Variants in CFH observed in about 807,000 individuals in gnomAD.
CFH encodes H factor 1 (complement).
Under a neutral mutation model 147.3 loss-of-function variants are expected in CFH, and 53 were observed. That is an observed-to-expected ratio of 0.36 (90% CI 0.29 to 0.45). The LOEUF is 0.45. Among genes scored for constraint, CFH ranks in the 20% least tolerant of loss-of-function variants. The pLI is 1.00. For synonymous variants in CFH, 536 were observed against 489.4 expected (o/e 1.10, Z -1.26); for missense variants, 1,380 against 1,498.0 (o/e 0.92, Z 1.30).
chr1:196,668,524 C>T (rs1435211522), intron 1 of CFH, among the ~76,000 whole-genome samples: 1 of 152,096 alleles, frequency 6.6e-6, no homozygotes, highest in Non-Finnish European at 1.5e-5. Context: ...TTATAATCTC[C>T]ATAATCATCA....
chr1:196,745,845 A>C lies in CFH; in HGVS notation c.3339A>C (p.Pro1113=). Residue 1113 remains proline (P), a synonymous_variant, in exon 21 of 22, where the codon CCA becomes CCC. Coordinates refer to ENST00000367429, the MANE Select transcript of CFH (RefSeq NM_000186.4). ...CTACAGGAAAATGTGGGCCCCCTCC[A>C]CCTATTGACAATGGGGACATTACTT... The part of the protein sequence containing the change: ...KDSTGKCGPP[P]PIDNGDITSF... The C allele has an allele frequency of 1.2e-6, 2 of 1,614,090 alleles. No homozygotes were observed. The highest frequency in any genetic ancestry group is 1.1e-5 in the South Asian group (1 of 91,078).
rs62641697 is a variant in CFH, at chr1:196,743,525, T to C, written c.3207T>C (p.Ser1069=). The C allele has an allele frequency of 6.7e-4, 1,082 of 1,614,012 alleles. 2 individuals carry two copies. Among genetic ancestry groups the C allele is most frequent in the African/African-American group, 6.1e-3 (455 of 75,044 alleles). Residue 1069 remains serine (S), a synonymous_variant, in exon 20 of 22, where the codon TCT becomes TCC. Transcript: ENST00000367429. The part of the protein sequence containing the change: ...IVSRQMSKYP[S]GERVRYQCRS... ...CGAGACAGATGAGTAAATATCCATC[T>C]GGTGAGAGAGTACGTTATCAATGTA...
chr1:196,677,735 C>G, intron 5 of CFH, 68 bp downstream of exon 5: 1 of 1,405,542 alleles, frequency 7.1e-7, no homozygotes, highest in Middle Eastern at 1.8e-4. Flanking sequence ...AAACATCGTT[C>G]ATTCTAAGGA....
intron 15 of CFH, among the ~76,000 whole-genome samples, chr1:196,735,534 G>A (rs925727530): frequency 3.3e-5 from 5 of 151,720 alleles, no homozygotes; most frequent in African/African-American, 1.2e-4. Context: ...AATGATTGTG[G>A]TACACATTAA....
chr1:196,744,981 A>C (rs758876764), intron 20 of CFH, among the ~76,000 whole-genome samples: 2 of 152,198 alleles, frequency 1.3e-5, no homozygotes, highest in Non-Finnish European at 2.9e-5. Flanking sequence ...TGGAGTTGAC[A>C]GTTCTTTGAA....
chr1:196,733,741 A>G (rs1442264840), intron 15 of CFH, among the ~76,000 whole-genome samples: 3 of 152,090 alleles, frequency 2.0e-5, no homozygotes, highest in African/African-American at 7.2e-5. Flanking sequence ...TTGTGTGGAC[A>G]AACTTGTTCT....
At chr1:196,720,215 T>C (rs1257690589) in intron 11 of CFH, among the ~76,000 whole-genome samples, 1 of 152,004 alleles carries the variant, frequency 6.6e-6, no homozygotes, top group Non-Finnish European at 1.5e-5. Context: ...CCCAGTTCTA[T>C]TATAAATTTA....
At chr1:196,732,704 C>A (rs530420029) in intron 15 of CFH, among the ~76,000 whole-genome samples, 2 of 152,026 alleles carry the variant, frequency 1.3e-5, no homozygotes, top group South Asian at 4.2e-4. Flanking sequence ...TTTGTGGCCC[C>A]CTGGAGGTTA....
intron 1 of CFH, among the ~76,000 whole-genome samples, chr1:196,670,012 A>T: frequency 6.6e-6 from 1 of 152,204 alleles, no homozygotes; most frequent in East Asian, 1.9e-4. Context: ...GAGACATGGA[A>T]TCAAAGGGGA....
At chr1:196,656,686 G>GTTTT (rs563378238) in intron 1 of CFH, among the ~76,000 whole-genome samples, 3,178 of 132,426 alleles carry the variant, frequency 0.024, 186 homozygotes, top group African/African-American at 0.084. Flanking sequence ...TGTGTGTTGC[G>GTTTT]TTTTTTTTTT....
At chr1:196,660,208 A>C (rs1666853679) in intron 1 of CFH, among the ~76,000 whole-genome samples, 1 of 152,170 alleles carries the variant, frequency 6.6e-6, no homozygotes, top group Non-Finnish European at 1.5e-5. Flanking sequence ...TTCTAAGAGG[A>C]GGAAATAACC....
intron 6 of CFH, 117 bp from the exon 7 acceptor site, chr1:196,684,947 C>A: frequency 2.6e-6 from 2 of 778,152 alleles, no homozygotes. Flanking sequence ...CATTTTAATG[C>A]CATTTTGTAT....
At chr1:196,693,950 TA>T (rs1208308283) in intron 9 of CFH, among the ~76,000 whole-genome samples, 4 of 125,250 alleles carry the variant, frequency 3.2e-5, no homozygotes, top group Middle Eastern at 3.6e-3. Flanking sequence ...GTTTGTTAGA[TA>T]AATGGTGTGT....
rs184348547 is a variant in CFH, at chr1:196,677,990, A to G, written c.619+323A>G. 8.7e-4 allele frequency: 308 copies of G among 354,588 alleles called. 2 individuals are homozygous for G. Among genetic ancestry groups the G allele is most frequent in the Admixed American group, 4.9e-3 (123 of 25,270 alleles). The allele number at this position is 354,588 out of a possible 1,614,324, so 22.0% of individuals were successfully genotyped here. The stretch of plus-strand genomic sequence containing the variant: ...TGTAGGTTATCTGACACCAGAGTCC[A>G]TGCTTTAACCATAACTCCATTGTAG... On this transcript the variant is annotated intron_variant, in intron 5 of 21. Coordinates refer to ENST00000367429, the MANE Select transcript of CFH (RefSeq NM_000186.4).
intron 16 of CFH, among the ~76,000 whole-genome samples, 175 bp downstream of exon 16, chr1:196,737,181 A>C (rs1431839145): frequency 2.0e-5 from 3 of 152,182 alleles, no homozygotes; most frequent in African/African-American, 7.2e-5. Flanking sequence ...TTTGAACAAA[A>C]TACAGCCAAA....
intron 6 of CFH, among the ~76,000 whole-genome samples, chr1:196,682,971 C>T (rs1463588213): frequency 8.3e-6 from 1 of 121,074 alleles, no homozygotes; most frequent in African/African-American, 3.3e-5. Context: ...ATAATTAAAA[C>T]TTTATAAAAT....
intron 1 of CFH, among the ~76,000 whole-genome samples, chr1:196,660,689 C>A (rs1230963871): frequency 6.6e-6 from 1 of 152,068 alleles, no homozygotes; most frequent in Non-Finnish European, 1.5e-5. Context: ...ATTTTAAGTA[C>A]TATTTGAAGA....
In CFH at chr1:196,677,610, G is replaced by A. The variant is rs1667503059; in HGVS notation, c.562G>A (p.Glu188Lys). 6.2e-6 allele frequency: 10 copies of A among 1,613,138 alleles called. No homozygotes were observed. The highest frequency in any genetic ancestry group is 8.5e-6 in the Non-Finnish European group (10 of 1,179,432). Residue 188 changes from glutamate (E) to lysine (K), a missense_variant, in exon 5 of 22, where the codon GAA (glutamate) becomes AAA (lysine). Coordinates refer to ENST00000367429, the MANE Select transcript of CFH (RefSeq NM_000186.4). ...CTCAGGCTACAAGATTGAAGGAGAT[G>A]AAGAAATGCATTGTTCAGACGATGG... ...CNSGYKIEGD[E>K]EMHCSDDGFW...
chr1:196,729,319 T>A (rs905535702), intron 15 of CFH, among the ~76,000 whole-genome samples: 2 of 152,080 alleles, frequency 1.3e-5, no homozygotes, highest in African/African-American at 4.8e-5. Context: ...GTTTTATAGT[T>A]TTAGCCATTC....
Sources: gnomAD v4.1 joint callset for allele counts (sites outside exome capture counted in the v4.1 genomes callset) on GRCh38, gnomAD v4.1.1 for gene constraint, MANE v1.5 for transcripts, NCBI Gene and HGNC (gene_info 2026-07-23, HGNC 2026-07-21) for gene names.